The following HMMR variants were observed in gnomAD, a reference collection of about 807,000 sequenced individuals.
The protein encoded by HMMR is intracellular hyaluronic acid-binding protein.
In HMMR, 108 loss-of-function variants were observed where a neutral mutation model predicts 101.0. The observed-to-expected ratio is 1.07, with a 90% CI of 0.92 to 1.25. The LOEUF (loss-of-function observed/expected upper bound fraction) is 1.25. HMMR is among the 50% of genes most tolerant of loss of function. The probability of loss-of-function intolerance (pLI) is 0.00; values close to 1 mark genes in which losing one functional copy is unlikely to be tolerated. For missense variants in HMMR, 813 were observed against 788.7 expected, an observed-to-expected ratio of 1.03 and a Z score of -0.37; for synonymous variants, 296 against 276.4, an observed-to-expected ratio of 1.07 and a Z score of -0.70.
At position 163,473,208 on chromosome 5, in the gene HMMR, A is replaced by G; in HGVS notation, c.680A>G (p.Glu227Gly). ...TCAATAGAGAAAGAAAAGATTGATGAAAAATCTGAAACAGAAAAACTCTTG... is the reference window on the plus strand; with the variant it reads ...TCAATAGAGAAAGAAAAGATTGATGGAAAATCTGAAACAGAAAAACTCTTG... ...LVSIEKEKID[E>G]KSETEKLLEY... The change falls in exon 8 of 18, where the codon GAA (glutamate) becomes GGA (glycine). Residue 227 changes from glutamate (E) to glycine (G), a missense_variant. Glu to Gly is a moderately conservative substitution (Grantham distance 98). Transcript: ENST00000393915. 1 of 1,569,558 alleles carries G rather than the reference A, an allele frequency of 6.4e-7. No individual in the cohort carries two copies. Among genetic ancestry groups the G allele is most frequent in the African/African-American group, 1.4e-5 (1 of 73,874 alleles).
In HMMR at chr5:163,475,505, A is replaced by G; in HGVS notation, c.1101A>G (p.Glu367=). ...AGAAGCTCTGTTCTTTTCAAGAGGA[A>G]ATGGTTAAAGAGAAGAATCTGTTTG... The part of the protein sequence containing the change: ...LHQKLCSFQE[E]MVKEKNLFEE... Residue 367 remains glutamate (E), a synonymous_variant, in exon 11 of 18, where the codon GAA becomes GAG. Transcript: ENST00000393915. 1 of 1,609,052 alleles carries G rather than the reference A, an allele frequency of 6.2e-7. No individual in the cohort carries two copies. Among genetic ancestry groups the G allele is most frequent in the South Asian group, 1.1e-5 (1 of 90,532 alleles).
intron 13 of HMMR, 89 bp downstream of exon 13, chr5:163,482,877 C>A: frequency 1.5e-6 from 2 of 1,340,106 alleles, no homozygotes; most frequent in South Asian, 1.3e-5. Context: ...TGCTTTTGGC[C>A]ATCTTATACT....
chr5:163,466,249 G>T (rs1758703625), intron 3 of HMMR, among the ~76,000 whole-genome samples: 1 of 152,066 alleles, frequency 6.6e-6, no homozygotes, highest in Non-Finnish European at 1.5e-5. Flanking sequence ...AGCCTGGGCA[G>T]CAGAGCGAGA....
In HMMR at chr5:163,490,374, A is replaced by G; in HGVS notation, c.1963-16A>G. The G allele has an allele frequency of 6.7e-7, 1 of 1,502,830 alleles. No individual in the cohort carries two copies. The highest frequency in any genetic ancestry group is 1.2e-5 in the South Asian group (1 of 82,720). 93.1% of individuals were successfully genotyped at this position (1,502,830 alleles called of 1,614,324 possible). On this transcript the variant is annotated splice_polypyrimidine_tract_variant and intron_variant, in intron 16 of 17. Coordinates refer to ENST00000393915, the MANE Select transcript of HMMR (RefSeq NM_001142556.2). ...CTTTAATAATTGTTTATTACCTATTATTTCTTTTTACCTAGGAAGTATCAA... is the reference window on the plus strand; with the variant it reads ...CTTTAATAATTGTTTATTACCTATTGTTTCTTTTTACCTAGGAAGTATCAA...
At chr5:163,487,018 C>T (rs1356608475) in intron 16 of HMMR, among the ~76,000 whole-genome samples, 1 of 152,016 alleles carries the variant, frequency 6.6e-6, no homozygotes, top group South Asian at 2.1e-4. Flanking sequence ...TGCAGTGAAC[C>T]GAGATGGAGC....
In HMMR at chr5:163,473,435, A is replaced by G; in HGVS notation, c.782A>G (p.Asn261Ser). The G allele has an allele frequency of 6.2e-7, 1 of 1,611,334 alleles. No homozygotes were observed. The change falls in exon 9 of 18, where the codon AAT becomes AGT. Residue 261 changes from asparagine to serine, a missense_variant. Physicochemically the swap from Asn to Ser is conservative, Grantham distance 46 (BLOSUM62 1). Coordinates refer to ENST00000393915, the MANE Select transcript of HMMR (RefSeq NM_001142556.2). ...YKLDIAQLEE[N>S]LKEKNDEILS... ...CTAGATATTGCCCAGTTAGAAGAAAATTTGAAAGAGAAGAATGATGAAATT... is the reference window on the plus strand; with the variant it reads ...CTAGATATTGCCCAGTTAGAAGAAAGTTTGAAAGAGAAGAATGATGAAATT...
intron 3 of HMMR, chr5:163,465,083 G>A (rs1011074643): frequency 6.0e-5 from 19 of 316,228 alleles, no homozygotes; most frequent in African/African-American, 4.1e-4. Flanking sequence ...AAAATTATGT[G>A]ATGCTTTGAT....
intron 9 of HMMR, 96 bp from the exon 10 acceptor site, chr5:163,473,961 C>A: frequency 1.1e-6 from 1 of 951,740 alleles, no homozygotes; most frequent in Non-Finnish European, 1.6e-6. Flanking sequence ...AAATACCATG[C>A]TAAAAGCAGT....
chr5:163,481,610 G>A (rs1581198558), intron 12 of HMMR, among the ~76,000 whole-genome samples: 1 of 151,914 alleles, frequency 6.6e-6, no homozygotes. Context: ...TGTTTTTATT[G>A]TAATCAGTGA....
At chr5:163,478,563 G>C in intron 11 of HMMR, 121 bp from the exon 12 acceptor site, 1 of 665,750 alleles carries the variant, frequency 1.5e-6, no homozygotes, top group Non-Finnish European at 2.7e-6. Context: ...CTATTTAGCA[G>C]GTAATGCAGT....
chr5:163,471,941 C>A (rs1472058495), intron 7 of HMMR, among the ~76,000 whole-genome samples: 1 of 152,126 alleles, frequency 6.6e-6, no homozygotes, highest in East Asian at 1.9e-4. Flanking sequence ...CCTTCATACC[C>A]CTTCTTGTCC....
chr5:163,473,604 C>A, intron 9 of HMMR, 47 bp downstream of exon 9: 1 of 1,200,994 alleles, frequency 8.3e-7, no homozygotes, highest in Middle Eastern at 2.2e-4. Flanking sequence ...GTGTTACATA[C>A]AACATTTAGG....
chr5:163,485,960 A>G, intron 16 of HMMR, among the ~76,000 whole-genome samples: 1 of 152,196 alleles, frequency 6.6e-6, no homozygotes. Context: ...TTTAGACTGT[A>G]CATGTATGGA....
rs189830630 is a variant in HMMR, at chr5:163,475,776, G to C, written c.1268+104G>C. ...TCAATCATGTGAGCGTGTTAGGTTG[G>C]AATTATTTTATAATTAAGTAGTAAT... On this transcript the variant is annotated intron_variant, in intron 11 of 17. Coordinates refer to ENST00000393915, the MANE Select transcript of HMMR (RefSeq NM_001142556.2). The C allele has an allele frequency of 9.1e-3, 4,429 of 484,262 alleles. 39 individuals are homozygous for C. The highest frequency in any genetic ancestry group is 0.027 in the Middle Eastern group (54 of 2,032). 30.0% of individuals were successfully genotyped at this position (484,262 alleles called of 1,614,324 possible). A position where few individuals can be genotyped will look rare whatever the true frequency, so the allele number is the denominator to read the frequency against.
intron 11 of HMMR, 118 bp downstream of exon 11, chr5:163,475,790 TTAAG>T: frequency 4.3e-6 from 2 of 466,804 alleles, no homozygotes; most frequent in African/African-American, 2.0e-5. Flanking sequence ...TATTTTATAA[TTAAG>T]TAGTAATTAT....
At chr5:163,466,572 G>A (rs1373718049) in intron 3 of HMMR, among the ~76,000 whole-genome samples, 1 of 152,120 alleles carries the variant, frequency 6.6e-6, no homozygotes, top group African/African-American at 2.4e-5. Context: ...AACAACTTGA[G>A]TATGTGAATT....
At chr5:163,476,784 C>T (rs1314710803) in intron 11 of HMMR, among the ~76,000 whole-genome samples, 1 of 152,212 alleles carries the variant, frequency 6.6e-6, no homozygotes, top group African/African-American at 2.4e-5. Context: ...AATCCCACCA[C>T]TTTGGGAAGC....
At chr5:163,466,987 A>G (rs1367975908) in intron 3 of HMMR, among the ~76,000 whole-genome samples, 1 of 152,200 alleles carries the variant, frequency 6.6e-6, no homozygotes, top group East Asian at 1.9e-4. Flanking sequence ...ATTACATACA[A>G]GTTTGTATGG....
chr5:163,476,211 G>A (rs1759065296), intron 11 of HMMR, among the ~76,000 whole-genome samples: 1 of 152,014 alleles, frequency 6.6e-6, no homozygotes, highest in Admixed American at 6.6e-5. Context: ...CAGCTACTTA[G>A]AAAGTTGTGG....
Sources: gnomAD v4.1 joint callset for allele counts (sites outside exome capture counted in the v4.1 genomes callset) on GRCh38, gnomAD v4.1.1 for gene constraint, MANE v1.5 for transcripts, NCBI Gene and HGNC (gene_info 2026-07-23, HGNC 2026-07-21) for gene names.